Variants in ARRDC5 observed in about 807,000 individuals in gnomAD.
The protein encoded by ARRDC5 is arrestin domain containing 5.
Under a neutral mutation model 13.3 loss-of-function variants are expected in ARRDC5, and 12 were observed. The observed-to-expected ratio is 0.90, with a 90% CI of 0.58 to 1.46. The LOEUF is 1.46. Ranked by LOEUF, ARRDC5 falls within the 40% of genes most tolerant of loss-of-function variation. The pLI is 0.00. For missense variants in ARRDC5, 406 were observed against 418.7 expected, an observed-to-expected ratio of 0.97 and a Z score of 0.26; for synonymous variants, 181 against 173.4, an observed-to-expected ratio of 1.04 and a Z score of -0.34.
Position 4,890,876 on chromosome 19 carries a change from G to T in ARRDC5, c.*170C>A, listed in dbSNP as rs535744239. The T allele has an allele frequency of 2.0e-5, 12 of 607,466 alleles. No individual in the cohort carries two copies. In the Admixed American group the frequency reaches 3.8e-4, roughly 19 times the overall value. The allele number at this position is 607,466 out of a possible 1,614,324, so 37.6% of individuals were successfully genotyped here. On this transcript the variant is annotated 3_prime_UTR_variant, in exon 3 of 3. Coordinates refer to ENST00000650722, the MANE Select transcript of ARRDC5 (RefSeq NM_001080523.3). ...TTCCTTTGTCCATTCCAGGCATTCA[G>T]TGATAGTTCTAGGGAGGGGAGACAC...
At chr19:4,910,774 G>A in the ARRDC5 span, 5 of 1,380,028 alleles carry the variant, frequency 3.6e-6, no homozygotes, top group Middle Eastern at 1.9e-4. Context: ...GAGTTTCCTG[G>A]TGTCCACAGG....
intron 1 of ARRDC5, among the ~76,000 whole-genome samples, chr19:4,900,667 G>A (rs2031885202): frequency 6.6e-6 from 1 of 152,046 alleles, no homozygotes; most frequent in Non-Finnish European, 1.5e-5. Flanking sequence ...TCTGTGCTTG[G>A]TTGTTCCCTC....
chr19:4,910,759 C>A, the ARRDC5 span: 1 of 1,294,604 alleles, frequency 7.7e-7, no homozygotes, highest in Non-Finnish European at 1.0e-6. Flanking sequence ...GGAAGGGCAT[C>A]CTGGGAGTTT....
At chr19:4,905,178 G>A (rs2032040840), upstream of ARRDC5, among the ~76,000 whole-genome samples, 1 of 137,426 alleles carries the variant, frequency 7.3e-6, no homozygotes, top group South Asian at 2.3e-4. Flanking sequence ...GTGCAGTGGT[G>A]TGATCTCGGC....
At chr19:4,906,251 T>C (rs1408118364), upstream of ARRDC5, among the ~76,000 whole-genome samples, 3 of 152,186 alleles carry the variant, frequency 2.0e-5, no homozygotes, top group Non-Finnish European at 4.4e-5. Flanking sequence ...AGTGCTGGGA[T>C]TGCAGGTGTG....
At chr19:4,912,175 G>A in the ARRDC5 span, among the ~76,000 whole-genome samples, 1 of 152,168 alleles carries the variant, frequency 6.6e-6, no homozygotes, top group Non-Finnish European at 1.5e-5. Context: ...GGGAGGAGGC[G>A]ATCTGGAGAA....
the ARRDC5 span, among the ~76,000 whole-genome samples, chr19:4,916,626 G>A: frequency 2.6e-5 from 4 of 152,102 alleles, no homozygotes; most frequent in African/African-American, 9.6e-5. Flanking sequence ...GGATGCCCTC[G>A]CGGCGCCGTC....
Position 4,902,242 on chromosome 19 carries a change from G to A in ARRDC5, c.253+331C>T, listed in dbSNP as rs547372037. Among the ~76,000 whole-genome samples, 6 of 152,174 alleles carry A rather than the reference G, an allele frequency of 3.9e-5. No homozygotes were observed. In the East Asian group the frequency reaches 1.2e-3, roughly 29 times the overall value. ...CAGGACTGCCTACTTTGTCTCCTGG[G>A]GTTTTGCTGTCAGAGTGAAACTTAT... On this transcript the variant is annotated intron_variant, in intron 1 of 2. Coordinates refer to ENST00000650722, the MANE Select transcript of ARRDC5 (RefSeq NM_001080523.3).
At chr19:4,909,585 A>C in the ARRDC5 span, 2 of 652,614 alleles carry the variant, frequency 3.1e-6, no homozygotes, top group Non-Finnish European at 5.5e-6. Context: ...CGGGCCACGC[A>C]CGCGGTTTCA....
chr19:4,900,952 G>A (rs2031892106), intron 1 of ARRDC5, among the ~76,000 whole-genome samples: 1 of 151,952 alleles, frequency 6.6e-6, no homozygotes, highest in Non-Finnish European at 1.5e-5. Context: ...CCAGGAGGTG[G>A]AGGTTGCAGT....
intron 2 of ARRDC5, among the ~76,000 whole-genome samples, chr19:4,893,013 G>C (rs933067201): frequency 2.7e-5 from 4 of 150,170 alleles, no homozygotes; most frequent in Non-Finnish European, 4.4e-5. Flanking sequence ...TGAGGCGGGA[G>C]AATTGCTGGA....
the ARRDC5 span, among the ~76,000 whole-genome samples, chr19:4,914,963 GGTCA>G: frequency 1.3e-5 from 2 of 152,202 alleles, no homozygotes; most frequent in Non-Finnish European, 2.9e-5. Context: ...TTTGGGGCCA[GGTCA>G]TCCTCTGGCT....
the ARRDC5 span, among the ~76,000 whole-genome samples, chr19:4,908,101 T>G: frequency 1.3e-5 from 2 of 152,202 alleles, no homozygotes; most frequent in African/African-American, 4.8e-5. Flanking sequence ...TTAGGACCTT[T>G]TAAGGACATT....
intron 1 of ARRDC5, among the ~76,000 whole-genome samples, chr19:4,901,419 G>C (rs1270348425): frequency 6.6e-6 from 1 of 152,052 alleles, no homozygotes; most frequent in Non-Finnish European, 1.5e-5. Context: ...TTCGAGACCA[G>C]CCTGGCCAAC....
chr19:4,895,134 G>A (rs925698684), intron 2 of ARRDC5, among the ~76,000 whole-genome samples: 3 of 151,140 alleles, frequency 2.0e-5, no homozygotes, highest in African/African-American at 4.9e-5. Context: ...TTTTAATAGC[G>A]GTACCGGCTA....
rs200197728 is a variant in ARRDC5, at chr19:4,891,367, C to T, written c.666G>A (p.Thr222=). Residue 222 remains threonine (T), a synonymous_variant, in exon 3 of 3, where the codon ACG becomes ACA. Transcript: ENST00000650722. ...LYAHIQYEGF[T]PSAERRSRLD... is the part of the protein sequence containing the mutation. ...GCCGAGACCGCCGCTCTGCACTGGG[C>T]GTGAAGCCCTCGTACTGTATGTGGG... 22 of 1,613,476 alleles carry T rather than the reference C, an allele frequency of 1.4e-5. No homozygotes were observed. The highest frequency in any genetic ancestry group is 1.8e-5 in the Non-Finnish European group (21 of 1,179,880).
upstream of ARRDC5, among the ~76,000 whole-genome samples, chr19:4,906,160 G>A (rs1160350174): frequency 6.6e-6 from 1 of 151,876 alleles, no homozygotes; most frequent in African/African-American, 2.4e-5. Context: ...TTTATTTTTT[G>A]TAGAGAAGGG....
intron 2 of ARRDC5, among the ~76,000 whole-genome samples, chr19:4,896,310 T>A (rs1219315363): frequency 6.5e-5 from 4 of 61,088 alleles, no homozygotes; most frequent in Non-Finnish European, 8.7e-5. Flanking sequence ...CGAGACTGCA[T>A]CTCAAAAAAA....
chr19:4,903,251 C>G (rs1417083711), upstream of ARRDC5: 1 of 183,406 alleles, frequency 5.5e-6, no homozygotes, highest in East Asian at 1.2e-4. Context: ...ATCTCCTGAC[C>G]TCGTGATCCA....
Sources: gnomAD v4.1 joint callset for allele counts (sites outside exome capture counted in the v4.1 genomes callset) on GRCh38, gnomAD v4.1.1 for gene constraint, MANE v1.5 for transcripts, NCBI Gene and HGNC (gene_info 2026-07-23, HGNC 2026-07-21) for gene names.